The following MYRFL variants were observed in gnomAD, a reference collection of about 807,000 sequenced individuals.
MYRFL encodes myelin regulatory factor-like protein.
MYRFL carries 88 observed loss-of-function variants against 109.4 expected under a neutral mutation model. The ratio of observed to expected loss-of-function variants is 0.80; its 90% confidence interval spans 0.68 to 0.96. The LOEUF (loss-of-function observed/expected upper bound fraction) is 0.96. Among genes scored for constraint, MYRFL ranks in the 40% least tolerant of loss-of-function variants. The probability of loss-of-function intolerance (pLI) is 0.00; values close to 1 mark genes in which losing one functional copy is unlikely to be tolerated. For synonymous variants in MYRFL, 324 were observed against 320.9 expected, an observed-to-expected ratio of 1.01 and a Z score of -0.10; for missense variants, 957 against 954.9, an observed-to-expected ratio of 1.00 and a Z score of -0.03.
intron 2 of MYRFL, among the ~76,000 whole-genome samples, chr12:69,876,749 TCTTA>T (rs532565595): frequency 3.6e-4 from 55 of 152,212 alleles, no homozygotes; most frequent in Admixed American, 7.2e-4. Flanking sequence ...TATTCCAATT[TCTTA>T]CTTGTGGGAA....
At chr12:69,934,598 T>C (rs367746804) in intron 16 of MYRFL, among the ~76,000 whole-genome samples, 5 of 152,174 alleles carry the variant, frequency 3.3e-5, no homozygotes, top group African/African-American at 9.6e-5. Flanking sequence ...ACACTGATGA[T>C]TGATTGAAGA....
chr12:69,838,923 A>G (rs1326990838), intron 1 of MYRFL, among the ~76,000 whole-genome samples: 2 of 152,240 alleles, frequency 1.3e-5, no homozygotes, highest in Non-Finnish European at 2.9e-5. Context: ...TTTGAATCCC[A>G]TTAAAATTTT....
At chr12:69,891,701 C>CTTTCTTTT (rs1385732047) in intron 7 of MYRFL, among the ~76,000 whole-genome samples, 1 of 142,338 alleles carries the variant, frequency 7.0e-6, no homozygotes, top group Non-Finnish European at 1.5e-5. Context: ...TTCGTTCTTT[C>CTTTCTTTT]TTTCTTTTTT....
intron 1 of MYRFL, among the ~76,000 whole-genome samples, chr12:69,843,786 G>T (rs573513044): frequency 4.6e-5 from 7 of 152,344 alleles, no homozygotes; most frequent in African/African-American, 1.7e-4. Flanking sequence ...GAGAATGAGG[G>T]TGAGGAAGAG....
chr12:69,926,567 T>G lies in MYRFL; in HGVS notation c.1603-4T>G. ...ATGCACTCTGTTTGATTTTTCCCTT[T>G]TAGGACCAGATCTTTATGGAAAATG... is the stretch of plus-strand genomic sequence containing the variant. On this transcript the variant is annotated splice_region_variant and splice_polypyrimidine_tract_variant and intron_variant, in intron 13 of 24. Coordinates refer to ENST00000552032, the MANE Select transcript of MYRFL (RefSeq NM_182530.3). The G allele has an allele frequency of 6.7e-7, 1 of 1,492,444 alleles. No individual in the cohort carries two copies. The highest frequency in any genetic ancestry group is 8.9e-7 in the Non-Finnish European group (1 of 1,125,046). 92.5% of individuals were successfully genotyped at this position (1,492,444 alleles called of 1,614,324 possible). A position where few individuals can be genotyped will look rare whatever the true frequency, so the allele number is the denominator to read the frequency against.
chr12:69,902,939 GT>G (rs1337467084), intron 10 of MYRFL, among the ~76,000 whole-genome samples: 1 of 152,222 alleles, frequency 6.6e-6, no homozygotes, highest in African/African-American at 2.4e-5. Context: ...AGGACTTGTA[GT>G]TCCAGCTCCA....
Position 69,936,104 on chromosome 12 carries a change from T to TAA in MYRFL, c.1917-9_1917-8insAA. 1.4e-6 allele frequency: 2 copies of TAA among 1,425,458 alleles called. No individual in the cohort carries two copies. The highest frequency in any genetic ancestry group is 1.9e-6 in the Non-Finnish European group (2 of 1,078,302). 88.3% of individuals were successfully genotyped at this position (1,425,458 alleles called of 1,614,324 possible). A position where few individuals can be genotyped will look rare whatever the true frequency, so the allele number is the denominator to read the frequency against. On this transcript the variant is annotated splice_polypyrimidine_tract_variant and intron_variant, in intron 16 of 24. Coordinates refer to ENST00000552032, the MANE Select transcript of MYRFL (RefSeq NM_182530.3). ...TTTTTTTTTTTTTTTTTTTTTTTTT[T>TAA]TTTGACAGTGCTTTGACGATAGTTG...
chr12:69,936,347 A>T lies in MYRFL; in HGVS notation c.2044+12A>T, dbSNP rs759495677. The T allele has an allele frequency of 1.9e-4, 286 of 1,535,710 alleles. 2 individuals are homozygous for T. In the South Asian group the frequency reaches 1.9e-3, roughly 10 times the overall value. ...AGCCTCCTCCTCAGGTAAAGGCTTC[A>T]CATTCCTCACCCTCAAACCCGGTTT... On this transcript the variant is annotated intron_variant, in intron 18 of 24. Coordinates refer to ENST00000552032, the MANE Select transcript of MYRFL (RefSeq NM_182530.3).
At chr12:69,932,381 T>G in intron 15 of MYRFL, 132 bp from the exon 16 acceptor site, 2 of 602,568 alleles carry the variant, frequency 3.3e-6, no homozygotes, top group Non-Finnish European at 5.8e-6. Context: ...AGGAAAGAGA[T>G]GTAAATTGAG....
chr12:69,904,572 A>C (rs1327751350), intron 11 of MYRFL, among the ~76,000 whole-genome samples: 1 of 152,134 alleles, frequency 6.6e-6, no homozygotes, highest in Non-Finnish European at 1.5e-5. Flanking sequence ...TGCCTGCCTG[A>C]CACCCTTGGC....
intron 1 of MYRFL, among the ~76,000 whole-genome samples, chr12:69,839,647 T>C (rs761864926): frequency 6.6e-5 from 10 of 152,182 alleles, no homozygotes; most frequent in South Asian, 2.1e-4. Flanking sequence ...CTCTGAAAGA[T>C]AGGGATAATA....
chr12:69,887,797 G>A (rs987303384), intron 6 of MYRFL, among the ~76,000 whole-genome samples: 3 of 152,290 alleles, frequency 2.0e-5, no homozygotes, highest in African/African-American at 7.2e-5. Context: ...CAGACTTTGG[G>A]AGTTGGTGTG....
chr12:69,945,797 C>G (rs1197894291), intron 19 of MYRFL, among the ~76,000 whole-genome samples: 2 of 150,678 alleles, frequency 1.3e-5, no homozygotes, highest in Non-Finnish European at 3.0e-5. Flanking sequence ...ACCATCCTGG[C>G]TAAAACGGTG....
At chr12:69,943,800 T>A (rs1330914576) in intron 19 of MYRFL, among the ~76,000 whole-genome samples, 1 of 150,988 alleles carries the variant, frequency 6.6e-6, no homozygotes, top group African/African-American at 2.4e-5. Flanking sequence ...AAAGGGCTAA[T>A]ATCCAGAATC....
chr12:69,914,308 A>G (rs923337214), intron 13 of MYRFL, among the ~76,000 whole-genome samples: 6 of 152,162 alleles, frequency 3.9e-5, no homozygotes, highest in Non-Finnish European at 8.8e-5. Flanking sequence ...GTATTTTATT[A>G]TTAAAATACA....
At chr12:69,905,072 TTACA>T (rs1160959496) in intron 11 of MYRFL, among the ~76,000 whole-genome samples, 2 of 152,208 alleles carry the variant, frequency 1.3e-5, no homozygotes, top group African/African-American at 4.8e-5. Context: ...TAGAGAGTTC[TTACA>T]TACATTTCCA....
At chr12:69,942,424 A>C (rs11522931) in intron 19 of MYRFL, among the ~76,000 whole-genome samples, 35,507 of 148,428 alleles carry the variant, frequency 0.24, 4,851 homozygotes, top group East Asian at 0.48. Context: ...AACAGAGCCA[A>C]AGACAAAAAC....
intron 2 of MYRFL, among the ~76,000 whole-genome samples, chr12:69,877,117 G>A (rs1885731558): frequency 6.6e-6 from 1 of 150,790 alleles, no homozygotes; most frequent in African/African-American, 2.4e-5. Context: ...TCCGCCTCCC[G>A]GGTTCACGCC....
At chr12:69,937,992 C>G (rs1955522472) in intron 19 of MYRFL, among the ~76,000 whole-genome samples, 1 of 151,430 alleles carries the variant, frequency 6.6e-6, no homozygotes, top group East Asian at 1.9e-4. Context: ...ATTTTTTTTT[C>G]CAGTGGGGAA....
Sources: gnomAD v4.1 joint callset for allele counts (sites outside exome capture counted in the v4.1 genomes callset) on GRCh38, gnomAD v4.1.1 for gene constraint, MANE v1.5 for transcripts, NCBI Gene and HGNC (gene_info 2026-07-23, HGNC 2026-07-21) for gene names.